LOXL2: variants seen among roughly 807,000 people sequenced by gnomAD.
LOXL2 encodes lysyl oxidase homolog 2.
Under a neutral mutation model 93.0 loss-of-function variants are expected in LOXL2, and 70 were observed. The ratio of observed to expected loss-of-function variants is 0.75; its 90% CI spans 0.62 to 0.92. The LOEUF is 0.92. Ranked by LOEUF, LOXL2 falls within the 40% of genes least tolerant of loss-of-function variation. The probability of loss-of-function intolerance (pLI) is 0.00; values close to 1 mark genes in which losing one functional copy is unlikely to be tolerated. For missense variants in LOXL2, 973 were observed against 1,054.9 expected (o/e 0.92, Z 1.08); for synonymous variants, 438 against 413.2 (o/e 1.06, Z -0.73).
chr8:23,300,627 T>C (rs1211906172), intron 12 of LOXL2, among the ~76,000 whole-genome samples: 1 of 152,238 alleles, frequency 6.6e-6, no homozygotes, highest in African/African-American at 2.4e-5. Flanking sequence ...ATGCCCCTAA[T>C]GAGTCCATTT....
chr8:23,319,417 AT>A (rs1165218579), intron 8 of LOXL2, among the ~76,000 whole-genome samples: 1 of 147,790 alleles, frequency 6.8e-6, no homozygotes, highest in Non-Finnish European at 1.5e-5. Context: ...GGGAGAATGC[AT>A]TAGGCACAGA....
intron 1 of LOXL2, among the ~76,000 whole-genome samples, chr8:23,398,376 C>T (rs960999440): frequency 6.6e-6 from 1 of 151,980 alleles, no homozygotes; most frequent in African/African-American, 2.4e-5. Context: ...TGACGTGGAT[C>T]GTAGGAATGA....
At chr8:23,396,117 G>C (rs530932146) in intron 1 of LOXL2, among the ~76,000 whole-genome samples, 1 of 152,060 alleles carries the variant, frequency 6.6e-6, no homozygotes, top group African/African-American at 2.4e-5. Context: ...TCGGGAGTTC[G>C]GGAGCAGCCT....
chr8:23,311,523 T>C (rs1384591083), intron 9 of LOXL2, among the ~76,000 whole-genome samples: 2 of 152,220 alleles, frequency 1.3e-5, no homozygotes, highest in African/African-American at 2.4e-5. Context: ...AGGTCTCCAC[T>C]TGGGCTCTCC....
intron 9 of LOXL2, among the ~76,000 whole-genome samples, chr8:23,315,030 T>G (rs1331471673): frequency 6.6e-6 from 1 of 151,854 alleles, no homozygotes; most frequent in Non-Finnish European, 1.5e-5. Flanking sequence ...GTGGGACCCT[T>G]GGGTGGGATT....
intron 3 of LOXL2, among the ~76,000 whole-genome samples, chr8:23,351,087 G>A (rs889214498): frequency 6.6e-6 from 1 of 152,212 alleles, no homozygotes; most frequent in Non-Finnish European, 1.5e-5. Context: ...CTCAGGATGG[G>A]CAAGACGGTC....
chr8:23,346,152 A>AAAT (rs1249152782), intron 3 of LOXL2, among the ~76,000 whole-genome samples: 5 of 92,522 alleles, frequency 5.4e-5, no homozygotes, highest in Non-Finnish European at 7.6e-5. Flanking sequence ...TAAATAAAAT[A>AAAT]AAATAAAAAA....
At chr8:23,380,668 A>G (rs543857302) in intron 1 of LOXL2, among the ~76,000 whole-genome samples, 3 of 152,102 alleles carry the variant, frequency 2.0e-5, no homozygotes, top group Non-Finnish European at 4.4e-5. Context: ...CTTTATAGTG[A>G]AAGTTACACA....
chr8:23,306,747 A>G (rs1474557614), intron 10 of LOXL2, among the ~76,000 whole-genome samples: 1 of 152,214 alleles, frequency 6.6e-6, no homozygotes, highest in Non-Finnish European at 1.5e-5. Flanking sequence ...GATTCCCCCG[A>G]GGTGGGAGAG....
Position 23,367,864 on chromosome 8 carries a change from G to C in LOXL2, c.355+133C>G, listed in dbSNP as rs1181219501. 4.1e-6 allele frequency: 3 copies of C among 735,530 alleles called. No homozygotes were observed. The African/African-American group carries it at 5.3e-5, about 13-fold the overall frequency. 45.6% of individuals were successfully genotyped at this position (735,530 alleles called of 1,614,324 possible). ...CCTGAGTGGGCACAGAAGGATGCCA[G>C]TCCCTGGATGGGCATCACCAAGAAT... On this transcript the variant is annotated intron_variant, in intron 2 of 13. Transcript: ENST00000389131.
chr8:23,366,287 A>G (rs1804399155), intron 2 of LOXL2, among the ~76,000 whole-genome samples: 1 of 152,230 alleles, frequency 6.6e-6, no homozygotes, highest in African/African-American at 2.4e-5. Context: ...TGGGTTCTAA[A>G]GCCCAGCATT....
chr8:23,387,005 G>A (rs1804774932), intron 1 of LOXL2, among the ~76,000 whole-genome samples: 1 of 152,158 alleles, frequency 6.6e-6, no homozygotes, highest in African/African-American at 2.4e-5. Context: ...GAGCTGCCGT[G>A]GCAGATGGCC....
intron 1 of LOXL2, among the ~76,000 whole-genome samples, chr8:23,373,306 G>C (rs1418514968): frequency 6.6e-6 from 1 of 152,048 alleles, no homozygotes; most frequent in Non-Finnish European, 1.5e-5. Context: ...AGCCAGCGGA[G>C]GGGGGGCCTA....
Position 23,298,863 on chromosome 8 carries a change from G to A in LOXL2, c.2218C>T (p.Arg740Cys), listed in dbSNP as rs779717879. 11 of 1,613,436 alleles carry A rather than the reference G, an allele frequency of 6.8e-6. No individual in the cohort carries two copies. The highest frequency in any genetic ancestry group is 1.7e-4 in the Middle Eastern group (1 of 6,000). Residue 740 changes from arginine to cysteine, a missense_variant, in exon 13 of 14, where the codon CGC becomes TGC. Arg to Cys is a radical substitution (Grantham distance 180). Coordinates refer to ENST00000389131, the MANE Select transcript of LOXL2 (RefSeq NM_002318.3). ...ATGTGGCAGTTGTACATCCAGATGCGGTGGCCGTCATAGCGGCTCCTGCAT... is the reference window on the plus strand; with the variant it reads ...ATGTGGCAGTTGTACATCCAGATGCAGTGGCCGTCATAGCGGCTCCTGCAT... ...MKCRSRYDGH[R>C]IWMYNCHIGG...
At chr8:23,341,369 C>T (rs1803881003) in intron 3 of LOXL2, 166 bp from the exon 4 acceptor site, 1 of 635,862 alleles carries the variant, frequency 1.6e-6, no homozygotes, top group Non-Finnish European at 2.8e-6. Flanking sequence ...GGCACACGGC[C>T]CAAGCTGCAG....
intron 1 of LOXL2, among the ~76,000 whole-genome samples, chr8:23,368,907 C>T (rs906371602): frequency 1.3e-5 from 2 of 152,066 alleles, no homozygotes; most frequent in Non-Finnish European, 2.9e-5. Flanking sequence ...ATGGCAACGG[C>T]GGGGACATGG....
intron 3 of LOXL2, among the ~76,000 whole-genome samples, chr8:23,348,840 G>A (rs1360069513): frequency 6.6e-6 from 1 of 151,926 alleles, no homozygotes; most frequent in Non-Finnish European, 1.5e-5. Context: ...TCACGACACT[G>A]CACCCCAGCC....
rs1323956161 is a variant in LOXL2, at chr8:23,368,177, G to A, written c.175C>T (p.Arg59Cys). 3.7e-6 allele frequency: 6 copies of A among 1,614,112 alleles called. No individual in the cohort carries two copies. The highest frequency in any genetic ancestry group is 1.3e-5 in the African/African-American group (1 of 75,062). The change falls in exon 2 of 14, where the codon CGC becomes TGC. Residue 59 changes from arginine (R) to cysteine (C), a missense_variant. Arg to Cys is a radical substitution (Grantham distance 180). Transcript: ENST00000389131. ...TGCTTCCTCTTCTGCCCAGCCAGGC[G>A]CAGCTGAATCTTGGCCACGTTGGCG... ...APANVAKIQL[R>C]LAGQKRKHSE...
chr8:23,368,484 C>T, intron 1 of LOXL2, 50 bp from the exon 2 acceptor site: 1 of 718,170 alleles, frequency 1.4e-6, no homozygotes, highest in Non-Finnish European at 2.4e-6. Context: ...GCTACGGAGA[C>T]CTACATAGAG....
Sources: gnomAD v4.1 joint callset for allele counts (sites outside exome capture counted in the v4.1 genomes callset) on GRCh38, gnomAD v4.1.1 for gene constraint, MANE v1.5 for transcripts, NCBI Gene and HGNC (gene_info 2026-07-23, HGNC 2026-07-21) for gene names.